Variants in UNC79 observed in about 807,000 individuals in gnomAD.
UNC79 encodes the protein unc-79 subunit of NALCN channel complex, also known as protein unc-79 homolog.
Under a neutral mutation model 283.1 loss-of-function variants are expected in UNC79, and 37 were observed. The observed-to-expected ratio is 0.13, with a 90% CI of 0.10 to 0.17. UNC79 has a LOEUF of 0.17. UNC79 is among the 10% of genes least tolerant of loss of function. UNC79 has a pLI of 1.00. For missense variants in UNC79, 2,272 were observed against 3,211.1 expected, an observed-to-expected ratio of 0.71 and a Z score of 7.07; for synonymous variants, 1,107 against 1,200.2, an observed-to-expected ratio of 0.92 and a Z score of 1.61.
chr14:93,391,721 G>T (rs1049320573), intron 1 of UNC79, among the ~76,000 whole-genome samples: 2 of 152,082 alleles, frequency 1.3e-5, no homozygotes, highest in African/African-American at 4.8e-5. Flanking sequence ...GAGTTACAGT[G>T]CCCTGCCAAG....
chr14:93,334,190 C>CAATA (rs2053524211), intron 1 of UNC79, among the ~76,000 whole-genome samples: 1 of 152,220 alleles, frequency 6.6e-6, no homozygotes, highest in Non-Finnish European at 1.5e-5. Flanking sequence ...CAGTTGGAGA[C>CAATA]AATATCATTG....
At chr14:93,586,999 G>C in intron 22 of UNC79, 91 bp downstream of exon 22, 1 of 1,514,954 alleles carries the variant, frequency 6.6e-7, no homozygotes. Context: ...TGGCTTGTTT[G>C]GGTTATTTTT....
intron 1 of UNC79, among the ~76,000 whole-genome samples, chr14:93,341,372 G>A (rs147361270): frequency 0.014 from 2,122 of 152,074 alleles, 23 homozygotes; most frequent in Middle Eastern, 0.034. Context: ...CAGGAGAATC[G>A]CTTGAACTTG....
At chr14:93,512,644 A>G (rs552504944) in intron 7 of UNC79, among the ~76,000 whole-genome samples, 7 of 152,050 alleles carry the variant, frequency 4.6e-5, no homozygotes, top group Non-Finnish European at 8.8e-5. Context: ...TGCGTCCAAT[A>G]TTTTTTAAAA....
chr14:93,575,257 G>A, intron 17 of UNC79, 59 bp downstream of exon 17: 1 of 1,607,058 alleles, frequency 6.2e-7, no homozygotes. Flanking sequence ...ACCCTTGTCA[G>A]TTATCCTACG....
At position 93,477,408 on chromosome 14, in the gene UNC79, T is replaced by G. The variant is rs1003748562; in HGVS notation, c.449-150T>G. 6 of 588,082 alleles carry G rather than the reference T, an allele frequency of 1.0e-5. No individual in the cohort carries two copies. The Admixed American group carries it at 1.1e-4, about 10-fold the overall frequency. 36.4% of individuals were successfully genotyped at this position (588,082 alleles called of 1,614,324 possible). A position where few individuals can be genotyped will look rare whatever the true frequency, so the allele number is the denominator to read the frequency against. On this transcript the variant is annotated intron_variant, in intron 3 of 48. Coordinates refer to ENST00000555664, the Ensembl canonical transcript of UNC79. Reference sequence around the variant, plus strand: ...ACCAATTACTGTATAAATAGTACCCTATCAAACATTATGTTTCATAACACT... The same window carrying G: ...ACCAATTACTGTATAAATAGTACCCGATCAAACATTATGTTTCATAACACT...
chr14:93,613,224 A>C (rs2066434343), intron 27 of UNC79, 141 bp downstream of exon 28: 2 of 1,111,722 alleles, frequency 1.8e-6, no homozygotes, highest in Non-Finnish European at 1.3e-6. Flanking sequence ...TGTGGAGGGG[A>C]ATGTGAACAT....
chr14:93,444,004 G>A (rs767478549), intron 1 of UNC79, among the ~76,000 whole-genome samples: 9 of 152,262 alleles, frequency 5.9e-5, no homozygotes, highest in East Asian at 3.9e-4. Context: ...AATGTTTACC[G>A]TTATAAGGTA....
Position 93,690,079 on chromosome 14 carries a change from A to G in UNC79, c.7086-38A>G, listed in dbSNP as rs1319615231. On this transcript the variant is annotated intron_variant, in intron 44 of 48. Coordinates refer to ENST00000555664, the Ensembl canonical transcript of UNC79. This position sits in a 1 kb window ranked among gnomAD's most constrained non-coding sequence, Gnocchi z 4.3. ...TGTTATGCACCCAATGAAACACAAA[A>G]CATAAAATCATCTTTAACACTCCTT... 1 of 1,603,674 alleles carries G rather than the reference A, an allele frequency of 6.2e-7. No individual in the cohort carries two copies. The highest frequency in any genetic ancestry group is 1.3e-5 in the African/African-American group (1 of 74,780).
intron 1 of UNC79, among the ~76,000 whole-genome samples, chr14:93,388,255 GCACATAC>G (rs2054817781): frequency 6.6e-6 from 1 of 152,054 alleles, no homozygotes; most frequent in Admixed American, 6.5e-5. Context: ...GGGACTACAG[GCACATAC>G]CACCACACCC....
chr14:93,688,730 G>T lies in UNC79; in HGVS notation c.6975G>T (p.Gly2325=). 1.2e-6 allele frequency: 2 copies of T among 1,614,048 alleles called. No individual in the cohort carries two copies. Among genetic ancestry groups the T allele is most frequent in the Non-Finnish European group, 1.7e-6 (2 of 1,179,998 alleles). Reference sequence around the variant, plus strand: ...CCTTTGGGGGACATCTCAAAGTGGGGCTGGCCCAGATTGCAGCCATGGACA... The same window carrying T: ...CCTTTGGGGGACATCTCAAAGTGGGTCTGGCCCAGATTGCAGCCATGGACA... The change falls in exon 44 of 49, where the codon GGG becomes GGT. Residue 2325 remains glycine, a synonymous_variant. Coordinates refer to ENST00000555664, the Ensembl canonical transcript of UNC79. The surrounding 1 kb of genome is among the most constrained non-coding windows in gnomAD (Gnocchi z 4.0).
chr14:93,376,299 T>C (rs1299422020), intron 1 of UNC79, among the ~76,000 whole-genome samples: 2 of 152,186 alleles, frequency 1.3e-5, no homozygotes, highest in African/African-American at 4.8e-5. Flanking sequence ...CAGAACTATC[T>C]TATAGAGATT....
chr14:93,515,943 T>C (rs1474043937), intron 7 of UNC79, among the ~76,000 whole-genome samples: 1 of 152,020 alleles, frequency 6.6e-6, no homozygotes, highest in Non-Finnish European at 1.5e-5. Flanking sequence ...GTAAAGAAAT[T>C]CTATGCTTCT....
At chr14:93,487,820 GC>G in intron 5 of UNC79, 65 bp downstream of exon 5, 1 of 1,490,222 alleles carries the variant, frequency 6.7e-7, no homozygotes, top group Non-Finnish European at 9.3e-7. Context: ...CATCAAACAA[GC>G]AGGCTAGATG....
intron 18 of UNC79, 39 bp from the exon 19 acceptor site, chr14:93,580,108 TTG>T (rs535994924): frequency 3.2e-5 from 48 of 1,500,058 alleles, no homozygotes; most frequent in Admixed American, 2.1e-4. Context: ...TCTTTTTTTT[TTG>T]TGTGTGTGTG....
intron 7 of UNC79, among the ~76,000 whole-genome samples, chr14:93,522,196 C>A (rs1411515641): frequency 6.6e-6 from 1 of 152,008 alleles, no homozygotes. Context: ...GGCTGGTGCA[C>A]ACTTCAATTT....
In UNC79 at chr14:93,617,332, G is replaced by A; in HGVS notation, c.4224+28G>A. On this transcript the variant is annotated intron_variant, in intron 28 of 48. Transcript: ENST00000555664. The surrounding 1 kb of genome is among the most constrained non-coding windows in gnomAD (Gnocchi z 4.5). Reference sequence around the variant, plus strand: ...GAGCTGGGTGGTCACTGCTGTTTTGGATGCAATGGTTCTCTTAGAGAGCAT... The same window carrying A: ...GAGCTGGGTGGTCACTGCTGTTTTGAATGCAATGGTTCTCTTAGAGAGCAT... 18 of 1,610,520 alleles carry A rather than the reference G, an allele frequency of 1.1e-5. No individual in the cohort carries two copies. Among genetic ancestry groups the A allele is most frequent in the Non-Finnish European group, 1.5e-5 (18 of 1,177,956 alleles).
chr14:93,361,795 C>T (rs1165470134), intron 1 of UNC79, among the ~76,000 whole-genome samples: 1 of 152,100 alleles, frequency 6.6e-6, no homozygotes, highest in African/African-American at 2.4e-5. Flanking sequence ...ATGCTTCAAG[C>T]TTTTACACAT....
intron 17 of UNC79, 103 bp downstream of exon 17, chr14:93,575,301 GT>G (rs1005416350): frequency 4.9e-6 from 7 of 1,441,800 alleles, no homozygotes; most frequent in African/African-American, 1.4e-5. Context: ...CCAAAAATGT[GT>G]TTTCAGCCCA....
Sources: allele counts gnomAD v4.1 joint callset (sites outside exome capture counted in the v4.1 genomes callset), GRCh38; gene constraint gnomAD v4.1.1; non-coding constraint Gnocchi (gnomAD v3.1); transcripts MANE v1.5; gene names NCBI Gene and HGNC (gene_info 2026-07-23, HGNC 2026-07-21).